Variants in FOXP1 observed in about 807,000 individuals in gnomAD.
FOXP1 encodes the protein forkhead box P1, also known as forkhead box protein P1.
FOXP1 carries 15 observed loss-of-function variants against 98.2 expected under a neutral mutation model. The observed-to-expected ratio is 0.15, with a 90% CI of 0.10 to 0.24. The LOEUF is 0.24. FOXP1 is among the 10% of genes least tolerant of loss of function. The probability of loss-of-function intolerance (pLI) is 1.00; values close to 1 mark genes in which losing one functional copy is unlikely to be tolerated. For synonymous variants in FOXP1, 371 were observed against 314.5 expected (o/e 1.18, Z -1.90); for missense variants, 633 against 848.5 (o/e 0.75, Z 3.15).
intron 6 of FOXP1, among the ~76,000 whole-genome samples, chr3:71,176,132 AG>A (rs1311435394): frequency 6.6e-6 from 1 of 152,226 alleles, no homozygotes. Flanking sequence ...TGGTCAGAAT[AG>A]GGTTCAAGCC....
rs573358502 is a variant in FOXP1, at chr3:71,206,274, A to T, written c.-11-7882T>A. Reference sequence around the variant, plus strand: ...TTTAAAAATACTCTATTTCCTGTACACTTCTTTAACTGTTTTGGTGTTCTG... The same window carrying T: ...TTTAAAAATACTCTATTTCCTGTACTCTTCTTTAACTGTTTTGGTGTTCTG... On this transcript the variant is annotated intron_variant, in intron 5 of 20. Transcript: ENST00000649528. Among the ~76,000 whole-genome samples, 5 of 152,274 alleles carry T rather than the reference A, an allele frequency of 3.3e-5. No homozygotes were observed. In the East Asian group the frequency reaches 9.6e-4, roughly 29 times the overall value.
intron 6 of FOXP1, among the ~76,000 whole-genome samples, chr3:71,159,612 C>G (rs184917044): frequency 7.0e-4 from 106 of 152,202 alleles, no homozygotes; most frequent in African/African-American, 2.5e-3. Flanking sequence ...TATAAATAGC[C>G]CTTACTGGGT....
At chr3:71,365,198 T>C (rs1245459366) in intron 3 of FOXP1, among the ~76,000 whole-genome samples, 1 of 152,168 alleles carries the variant, frequency 6.6e-6, no homozygotes, top group Non-Finnish European at 1.5e-5. Context: ...TAATGTGAAA[T>C]AGACTCTGGT....
intron 5 of FOXP1, among the ~76,000 whole-genome samples, chr3:71,271,230 CAA>C (rs573489406): frequency 6.6e-6 from 1 of 151,614 alleles, no homozygotes; most frequent in Non-Finnish European, 1.5e-5. Flanking sequence ...GACTCTGTCT[CAA>C]AAAAAGAGAA....
chr3:71,131,362 T>C (rs1169484010), intron 6 of FOXP1, among the ~76,000 whole-genome samples: 6 of 133,636 alleles, frequency 4.5e-5, no homozygotes, highest in Non-Finnish European at 9.2e-5. Context: ...GCAAGTCAGC[T>C]TGAAAAACAG....
chr3:71,501,033 A>T lies in FOXP1; in HGVS notation c.-297-7478T>A, dbSNP rs545685640. Among the ~76,000 whole-genome samples, 21 of 152,172 alleles carry T rather than the reference A, an allele frequency of 1.4e-4. No homozygotes were observed. In the South Asian group the frequency reaches 4.4e-3, roughly 32 times the overall value. On this transcript the variant is annotated intron_variant, in intron 2 of 20. Coordinates refer to ENST00000649528, the MANE Select transcript of FOXP1 (RefSeq NM_001349338.3). ...ATGGTGAAACCCTGTCTCTACCAAA[A>T]ATATAAAAATTAGCCAGGTGGGGTG...
intron 2 of FOXP1, among the ~76,000 whole-genome samples, chr3:71,549,769 A>T (rs956436160): frequency 1.3e-5 from 2 of 151,948 alleles, no homozygotes; most frequent in Non-Finnish European, 1.5e-5. Context: ...CAACTGTAAC[A>T]TCAAATCATC....
chr3:71,423,198 C>T (rs1302744435), intron 3 of FOXP1, among the ~76,000 whole-genome samples: 1 of 152,254 alleles, frequency 6.6e-6, no homozygotes, highest in Non-Finnish European at 1.5e-5. Flanking sequence ...ACAGCACCTA[C>T]AAGTTCTTCC....
At chr3:71,577,691 A>G (rs1006560107) in intron 2 of FOXP1, among the ~76,000 whole-genome samples, 2 of 152,156 alleles carry the variant, frequency 1.3e-5, no homozygotes, top group African/African-American at 4.8e-5. Context: ...AAGATCATTA[A>G]AAAAATGCAT....
intron 11 of FOXP1, among the ~76,000 whole-genome samples, chr3:71,031,320 TA>T (rs1457905399): frequency 5.3e-5 from 8 of 152,220 alleles, no homozygotes; most frequent in African/African-American, 1.9e-4. Flanking sequence ...TTGAAGGTCA[TA>T]AAAGTCTGTC....
intron 4 of FOXP1, among the ~76,000 whole-genome samples, chr3:71,325,053 ATT>A (rs71120312): frequency 1.4e-4 from 19 of 136,026 alleles, no homozygotes; most frequent in African/African-American, 4.6e-4. Context: ...TAATCCCTTG[ATT>A]TTTTTTTTTT....
chr3:71,209,150 C>A (rs1242327520), intron 5 of FOXP1, among the ~76,000 whole-genome samples: 1 of 152,104 alleles, frequency 6.6e-6, no homozygotes, highest in African/African-American at 2.4e-5. Context: ...GGTCAGTCAC[C>A]CCAAAATAAG....
At position 71,581,595 on chromosome 3, in the gene FOXP1, G is replaced by T. The variant is rs1578273892; in HGVS notation, c.-344C>A. On this transcript the variant is annotated 5_prime_UTR_variant, in exon 2 of 21. Coordinates refer to ENST00000649528, the MANE Select transcript of FOXP1 (RefSeq NM_001349338.3). ...TAGGAGCGCCGCCTTCACGCCCGCG[G>T]AGGAGGCGCCGGCAGCACCATGGTC... 1.0e-6 allele frequency: 1 copy of T among 985,618 alleles called. No homozygotes were observed. Among genetic ancestry groups the T allele is most frequent in the South Asian group, 4.7e-5 (1 of 21,400 alleles). 61.1% of individuals were successfully genotyped at this position (985,618 alleles called of 1,614,324 possible). A position where few individuals can be genotyped will look rare whatever the true frequency, so the allele number is the denominator to read the frequency against.
chr3:71,377,622 T>A (rs1406465647), intron 3 of FOXP1, among the ~76,000 whole-genome samples: 5 of 152,194 alleles, frequency 3.3e-5, no homozygotes, highest in Non-Finnish European at 7.4e-5. Flanking sequence ...CCAACTTGGG[T>A]AATTATTTAA....
intron 13 of FOXP1, among the ~76,000 whole-genome samples, chr3:70,991,408 G>A (rs942193370): frequency 3.9e-5 from 6 of 152,124 alleles, no homozygotes; most frequent in African/African-American, 9.7e-5. Context: ...TATTGCACCC[G>A]AGCCACTGAT....
intron 3 of FOXP1, among the ~76,000 whole-genome samples, chr3:71,460,719 G>A (rs1202017738): frequency 1.3e-5 from 2 of 152,174 alleles, no homozygotes; most frequent in African/African-American, 4.8e-5. Context: ...GATTACAAGC[G>A]TGAGCTACCG....
chr3:71,527,542 C>T (rs917447746), intron 2 of FOXP1, among the ~76,000 whole-genome samples: 12 of 152,314 alleles, frequency 7.9e-5, no homozygotes, highest in Non-Finnish European at 1.5e-4. Flanking sequence ...ATAAACACAG[C>T]ACAAATGCTC....
intron 5 of FOXP1, among the ~76,000 whole-genome samples, chr3:71,229,332 A>G (rs185501277): frequency 6.6e-6 from 1 of 152,278 alleles, no homozygotes; most frequent in African/African-American, 2.4e-5. Flanking sequence ...AAAATAGCCT[A>G]ATCATTAACA....
At chr3:71,427,759 A>G (rs2084296046) in intron 3 of FOXP1, among the ~76,000 whole-genome samples, 1 of 152,214 alleles carries the variant, frequency 6.6e-6, no homozygotes, top group Non-Finnish European at 1.5e-5. Flanking sequence ...AAAACAATAA[A>G]GAGGATGCCT....
Sources: gnomAD v4.1 joint callset for allele counts (sites outside exome capture counted in the v4.1 genomes callset) on GRCh38, gnomAD v4.1.1 for gene constraint, MANE v1.5 for transcripts, NCBI Gene and HGNC (gene_info 2026-07-23, HGNC 2026-07-21) for gene names.